The following PDE3A variants were observed in gnomAD, a reference collection of about 807,000 sequenced individuals.
PDE3A encodes the protein phosphodiesterase 3A.
Under a neutral mutation model 98.3 loss-of-function variants are expected in PDE3A, and 43 were observed. The ratio of observed to expected loss-of-function variants is 0.44; its 90% confidence interval spans 0.34 to 0.56. The LOEUF is 0.56. Among genes scored for constraint, PDE3A ranks in the 20% least tolerant of loss-of-function variants. PDE3A has a pLI of 0.01. For synonymous variants in PDE3A, 663 were observed against 567.9 expected (o/e 1.17, Z -2.38); for missense variants, 1,427 against 1,440.7 (o/e 0.99, Z 0.15).
At chr12:20,391,797 A>AGAT (rs1943920007) in intron 1 of PDE3A, among the ~76,000 whole-genome samples, 1 of 151,762 alleles carries the variant, frequency 6.6e-6, no homozygotes. Context: ...CTCTCTGTTT[A>AGAT]GATATGGTCT....
chr12:20,668,041 G>C (rs56180805), intron 15 of PDE3A, among the ~76,000 whole-genome samples: 18 of 152,300 alleles, frequency 1.2e-4, no homozygotes, highest in African/African-American at 3.8e-4. Context: ...CTTGGGAAAC[G>C]CAAGGGGTCA....
chr12:20,405,012 T>C (rs1944207320), intron 1 of PDE3A, among the ~76,000 whole-genome samples: 1 of 152,038 alleles, frequency 6.6e-6, no homozygotes, highest in South Asian at 2.1e-4. Flanking sequence ...CAGACTGCTT[T>C]ATTGAGAGAG....
At chr12:20,397,677 C>CT (rs1433137161) in intron 1 of PDE3A, among the ~76,000 whole-genome samples, 16 of 152,028 alleles carry the variant, frequency 1.1e-4, no homozygotes, top group Admixed American at 9.8e-4. Flanking sequence ...GTTCCATTTA[C>CT]TTTTAAAAAA....
chr12:20,436,585 A>G (rs1172021159), intron 1 of PDE3A, among the ~76,000 whole-genome samples: 5 of 152,204 alleles, frequency 3.3e-5, no homozygotes, highest in African/African-American at 7.2e-5. Context: ...ATCAGGAGAC[A>G]TGAATGATTT....
chr12:20,509,782 T>C (rs2121111432), intron 1 of PDE3A, among the ~76,000 whole-genome samples: 1 of 150,504 alleles, frequency 6.6e-6, no homozygotes, highest in Middle Eastern at 3.5e-3. Context: ...AAAATGAAGC[T>C]CATATATTTT....
chr12:20,535,057 C>T (rs1440072677), intron 1 of PDE3A, among the ~76,000 whole-genome samples: 1 of 152,166 alleles, frequency 6.6e-6, no homozygotes, highest in Admixed American at 6.5e-5. Context: ...TCTCCCATTA[C>T]ATAAATAATC....
intron 1 of PDE3A, among the ~76,000 whole-genome samples, chr12:20,455,238 C>T (rs1945134693): frequency 6.6e-6 from 1 of 152,088 alleles, no homozygotes; most frequent in African/African-American, 2.4e-5. Context: ...TTTTCATACG[C>T]TTGTGGCCAC....
rs766464863 is a variant in PDE3A at position 20,633,743 on chromosome 12, G to C, written c.1811G>C (p.Arg604Thr). The change falls in exon 7 of 16, where the codon AGA becomes ACA. Residue 604 changes from arginine (R) to threonine (T), a missense_variant. Physicochemically the swap from Arg to Thr is moderately conservative, Grantham distance 71. Around this residue, in one of 3 missense-constraint regions of PDE3A, gnomAD observed 1,012 missense variants for 886.5 expected, o/e 1.14. Coordinates refer to ENST00000359062, the MANE Select transcript of PDE3A (RefSeq NM_000921.5). ...AATCCTGCTGATGAGCCCCTGGAGA[G>C]AAGTGGGGTAGCCACTCGGACACCA... Reference protein sequence around the residue: ...QGNPADEPLERSGVATRTPSR... With the variant: ...QGNPADEPLETSGVATRTPSR... The C allele has an allele frequency of 2.5e-6, 4 of 1,610,388 alleles. No individual in the cohort carries two copies. Among genetic ancestry groups the C allele is most frequent in the Non-Finnish European group, 3.4e-6 (4 of 1,177,972 alleles).
intron 2 of PDE3A, among the ~76,000 whole-genome samples, chr12:20,591,292 A>T (rs1219712982): frequency 3.3e-5 from 5 of 152,250 alleles, no homozygotes; most frequent in African/African-American, 1.2e-4. Flanking sequence ...AGGACAGTAT[A>T]CAGCCAATGT....
chr12:20,557,171 A>G (rs1244276562), intron 2 of PDE3A: 1 of 159,036 alleles, frequency 6.3e-6, no homozygotes, highest in Non-Finnish European at 1.4e-5. Flanking sequence ...AGATGAAAGG[A>G]CCTATTATTT....
intron 1 of PDE3A, among the ~76,000 whole-genome samples, chr12:20,496,054 A>G (rs781007948): frequency 1.3e-5 from 2 of 152,190 alleles, no homozygotes; most frequent in Non-Finnish European, 2.9e-5. Flanking sequence ...TCGTACTCTT[A>G]ATGTCAGTAC....
At chr12:20,521,042 A>G (rs1008079575) in intron 1 of PDE3A, among the ~76,000 whole-genome samples, 3 of 151,984 alleles carry the variant, frequency 2.0e-5, no homozygotes, top group Non-Finnish European at 2.9e-5. Flanking sequence ...GGATGTAAAC[A>G]TATTTTGTTG....
At chr12:20,479,532 A>G (rs2057197918) in intron 1 of PDE3A, among the ~76,000 whole-genome samples, 1 of 152,218 alleles carries the variant, frequency 6.6e-6, no homozygotes, top group Admixed American at 6.5e-5. Context: ...AACTGTCCCT[A>G]TCCCTTCTTG....
intron 1 of PDE3A, among the ~76,000 whole-genome samples, chr12:20,447,609 G>A (rs552489396): frequency 3.7e-4 from 56 of 152,350 alleles, no homozygotes; most frequent in Non-Finnish European, 7.3e-4. Context: ...CACCCAGGGA[G>A]GACATGGGAG....
intron 1 of PDE3A, among the ~76,000 whole-genome samples, chr12:20,504,375 GA>G (rs1230408936): frequency 6.6e-6 from 1 of 151,744 alleles, no homozygotes; most frequent in Non-Finnish European, 1.5e-5. Flanking sequence ...AATATTTCTT[GA>G]ATAAATTTTA....
intron 15 of PDE3A, among the ~76,000 whole-genome samples, chr12:20,667,362 C>T (rs1257918899): frequency 1.3e-5 from 2 of 152,088 alleles, no homozygotes; most frequent in African/African-American, 4.8e-5. Flanking sequence ...GGTCAATGTC[C>T]TATAGAACTT....
At chr12:20,540,130 A>G (rs1434399929) in intron 1 of PDE3A, among the ~76,000 whole-genome samples, 2 of 152,136 alleles carry the variant, frequency 1.3e-5, no homozygotes, top group Non-Finnish European at 2.9e-5. Context: ...AATGGATTCA[A>G]TTTTTAACCA....
chr12:20,462,484 C>T (rs1231624364), intron 1 of PDE3A, among the ~76,000 whole-genome samples: 1 of 152,104 alleles, frequency 6.6e-6, no homozygotes, highest in African/African-American at 2.4e-5. Context: ...AGCAAGACTT[C>T]ATCTAAAACA....
intron 1 of PDE3A, among the ~76,000 whole-genome samples, chr12:20,400,378 GGTTTTTTTTTTT>G (rs1944100682): frequency 1.9e-5 from 2 of 106,112 alleles, no homozygotes; most frequent in African/African-American, 8.3e-5. Context: ...CGTTAACATT[GGTTTTTTTTTTT>G]TTTTTTTTTT....
Sources: gnomAD v4.1 joint callset for allele counts (sites outside exome capture counted in the v4.1 genomes callset) on GRCh38, gnomAD v4.1.1 for gene constraint, gnomAD v4.1.1 regional missense constraint, MANE v1.5 for transcripts, NCBI Gene and HGNC (gene_info 2026-07-23, HGNC 2026-07-21) for gene names.